LSAMP: variants seen among roughly 807,000 people sequenced by gnomAD.
LSAMP encodes limbic system-associated membrane protein.
LSAMP carries 7 observed loss-of-function variants against 38.6 expected under a neutral mutation model. That is an observed-to-expected ratio of 0.18 (90% CI 0.10 to 0.34). LSAMP has a LOEUF of 0.34. LSAMP is among the 10% of genes least tolerant of loss of function. The pLI is 1.00. For missense variants in LSAMP, 313 were observed against 420.0 expected (o/e 0.75, Z 2.23); for synonymous variants, 154 against 166.8 (o/e 0.92, Z 0.59).
chr3:116,357,655 T>G (rs1370403005), intron 1 of LSAMP, among the ~76,000 whole-genome samples: 2 of 152,146 alleles, frequency 1.3e-5, no homozygotes, highest in Non-Finnish European at 2.9e-5. Flanking sequence ...TGATCTAACA[T>G]GCAAATTGAA....
chr3:116,401,013 G>A (rs2048834161), intron 1 of LSAMP, among the ~76,000 whole-genome samples: 1 of 152,144 alleles, frequency 6.6e-6, no homozygotes, highest in Non-Finnish European at 1.5e-5. Flanking sequence ...CCCAACAAGA[G>A]AAGACCCACT....
At chr3:116,230,608 C>A (rs534092837) in intron 1 of LSAMP, among the ~76,000 whole-genome samples, 1 of 152,208 alleles carries the variant, frequency 6.6e-6, no homozygotes, top group African/African-American at 2.4e-5. Flanking sequence ...GTGGCTCAAT[C>A]AGTGTGAAGA....
intron 6 of LSAMP, among the ~76,000 whole-genome samples, chr3:115,810,752 T>A (rs533322359): frequency 4.4e-4 from 67 of 152,170 alleles, no homozygotes; most frequent in African/African-American, 1.4e-3. Context: ...CCGAAGTAAC[T>A]CTCTGGGGCC....
chr3:116,401,862 T>G (rs2048844878), intron 1 of LSAMP, among the ~76,000 whole-genome samples: 1 of 151,510 alleles, frequency 6.6e-6, no homozygotes, highest in Non-Finnish European at 1.5e-5. Flanking sequence ...GTGTAGATTG[T>G]TATATTCTTG....
intron 3 of LSAMP, among the ~76,000 whole-genome samples, chr3:115,928,973 GTTT>G (rs67711628): frequency 9.1e-6 from 1 of 109,926 alleles, no homozygotes; most frequent in Non-Finnish European, 1.8e-5. Flanking sequence ...TTTTTTGTTT[GTTT>G]TTTTTTTTTT....
At chr3:116,358,083 A>C (rs1342460941) in intron 1 of LSAMP, among the ~76,000 whole-genome samples, 1 of 152,158 alleles carries the variant, frequency 6.6e-6, no homozygotes, top group Non-Finnish European at 1.5e-5. Flanking sequence ...CTTTGTATTC[A>C]AACTGCTGGG....
intron 4 of LSAMP, among the ~76,000 whole-genome samples, chr3:115,850,093 T>A (rs1056985404): frequency 6.6e-6 from 1 of 152,236 alleles, no homozygotes; most frequent in African/African-American, 2.4e-5. Context: ...ATCTCAAATT[T>A]CTGTCCATAT....
chr3:115,999,743 G>A lies in LSAMP; in HGVS notation c.514+19772C>T, dbSNP rs548315419. ...AGGGCAGATAAACTAATCGCTGTAT[G>A]AGCACAGTGGTTGGTGGGGAGGGAG... On this transcript the variant is annotated intron_variant, in intron 3 of 6. Coordinates refer to ENST00000490035, the MANE Select transcript of LSAMP (RefSeq NM_002338.5). Among the ~76,000 whole-genome samples, 49 of 152,292 alleles carry A rather than the reference G, an allele frequency of 3.2e-4. 1 individual carries two copies. Among genetic ancestry groups the A allele is most frequent in the African/African-American group, 1.0e-3 (43 of 41,582 alleles).
At chr3:116,263,047 G>A (rs1277733719) in intron 1 of LSAMP, among the ~76,000 whole-genome samples, 1 of 152,138 alleles carries the variant, frequency 6.6e-6, no homozygotes. Context: ...ACTTTCCCTG[G>A]GGAAGCCTGT....
At chr3:115,843,791 G>T (rs2107507773) in intron 4 of LSAMP, among the ~76,000 whole-genome samples, 1 of 152,142 alleles carries the variant, frequency 6.6e-6, no homozygotes, top group Admixed American at 6.5e-5. Context: ...TGATTTGTCT[G>T]CAATTTCCTT....
chr3:115,977,103 C>T (rs537659263), intron 3 of LSAMP, among the ~76,000 whole-genome samples: 1 of 152,080 alleles, frequency 6.6e-6, no homozygotes, highest in South Asian at 2.1e-4. Flanking sequence ...TAAAGGAATA[C>T]TATTTGGCTT....
intron 6 of LSAMP, chr3:115,834,581 T>C: frequency 7.8e-7 from 1 of 1,274,412 alleles, no homozygotes; most frequent in East Asian, 5.9e-5. Flanking sequence ...GGTGGGGGAT[T>C]GTGGGTAAAA....
rs544962879 is a variant in LSAMP at position 116,405,650 on chromosome 3, A to G, written c.155+39227T>C. Among the ~76,000 whole-genome samples the G allele has an allele frequency of 4.6e-5, 7 of 152,276 alleles. 1 individual carries two copies. The highest frequency in any genetic ancestry group is 1.7e-4 in the African/African-American group (7 of 41,572). The stretch of plus-strand genomic sequence containing the variant: ...ACTAAGTTATAAAATAAGAAAAAGG[A>G]AAGAAAAATAAGAAAGAGGAGAAAA... On this transcript the variant is annotated intron_variant, in intron 1 of 6. Transcript: ENST00000490035.
chr3:116,110,106 G>A lies in LSAMP; in HGVS notation c.156-23550C>T, dbSNP rs569244771. Among the ~76,000 whole-genome samples, 3 of 152,228 alleles carry A rather than the reference G, an allele frequency of 2.0e-5. 1 individual carries two copies. Among genetic ancestry groups the A allele is most frequent in the Admixed American group, 2.0e-4 (3 of 15,298 alleles). ...CTAGAAAAGTGGGACTTGCTGCTAA[G>A]GGTGAAGGAGAAGGGGTTGAGGGGT... is the stretch of plus-strand genomic sequence containing the variant. On this transcript the variant is annotated intron_variant, in intron 1 of 6. Coordinates refer to ENST00000490035, the MANE Select transcript of LSAMP (RefSeq NM_002338.5).
rs141562921 is a variant in LSAMP, at chr3:116,115,462, C to G, written c.156-28906G>C. Among the ~76,000 whole-genome samples, 151 of 152,328 alleles carry G rather than the reference C, an allele frequency of 9.9e-4. 1 individual carries two copies. The highest frequency in any genetic ancestry group is 2.9e-3 in the African/African-American group (120 of 41,576). On this transcript the variant is annotated intron_variant, in intron 1 of 6. Coordinates refer to ENST00000490035, the MANE Select transcript of LSAMP (RefSeq NM_002338.5). Reference sequence around the variant, plus strand: ...TCTAGTCTGTCCTGAACTGTTTGCTCTTACATCTGCATAGGGCTATAATCC... The same window carrying G: ...TCTAGTCTGTCCTGAACTGTTTGCTGTTACATCTGCATAGGGCTATAATCC...
At chr3:116,291,678 C>T (rs1190200945) in intron 1 of LSAMP, among the ~76,000 whole-genome samples, 2 of 152,102 alleles carry the variant, frequency 1.3e-5, no homozygotes, top group Non-Finnish European at 1.5e-5. Flanking sequence ...TTCTTTCTTT[C>T]CTCCCATATG....
chr3:115,818,428 A>T (rs1262399264), intron 6 of LSAMP, among the ~76,000 whole-genome samples: 1 of 152,114 alleles, frequency 6.6e-6, no homozygotes, highest in Admixed American at 6.5e-5. Flanking sequence ...ATTGTTCAGA[A>T]ATCCAGACAG....
intron 3 of LSAMP, among the ~76,000 whole-genome samples, chr3:115,992,026 C>A (rs918071505): frequency 1.3e-5 from 2 of 151,952 alleles, no homozygotes; most frequent in Admixed American, 1.3e-4. Flanking sequence ...TGAAAGGGGG[C>A]GGGTGGACAG....
intron 4 of LSAMP, among the ~76,000 whole-genome samples, chr3:115,843,908 G>A (rs1935077103): frequency 6.6e-6 from 1 of 152,148 alleles, no homozygotes; most frequent in African/African-American, 2.4e-5. Context: ...ATGGAGTTTT[G>A]TTGTTGTACT....
Sources: gnomAD v4.1 joint callset for allele counts (sites outside exome capture counted in the v4.1 genomes callset) on GRCh38, gnomAD v4.1.1 for gene constraint, MANE v1.5 for transcripts, NCBI Gene and HGNC (gene_info 2026-07-23, HGNC 2026-07-21) for gene names.